SKP1: variants seen among roughly 807,000 people sequenced by gnomAD.
SKP1 encodes S-phase kinase associated protein 1, also known as S-phase kinase-associated protein 1.
Under a neutral mutation model 21.5 loss-of-function variants are expected in SKP1, and 1 was observed. The observed-to-expected ratio is 0.05, with a 90% CI of 0.02 to 0.22. SKP1 has a LOEUF of 0.22. Among genes scored for constraint, SKP1 ranks in the 10% least tolerant of loss-of-function variants. The pLI, the probability that SKP1 is intolerant of heterozygous loss-of-function variation, is 1.00. For synonymous variants in SKP1, 59 were observed against 59.3 expected, an observed-to-expected ratio of 0.99 and a Z score of 0.03; for missense variants, 70 against 192.0, an observed-to-expected ratio of 0.36 and a Z score of 3.76.
intron 1 of SKP1, chr5:134,174,861 T>C (rs962622226): frequency 6.0e-5 from 9 of 149,482 alleles, no homozygotes; most frequent in African/African-American, 2.2e-4. Context: ...TCTTACCATC[T>C]TCAAATTCTT....
intron 3 of SKP1, among the ~76,000 whole-genome samples, chr5:134,163,953 CTT>C (rs969629529): frequency 1.3e-5 from 2 of 152,150 alleles, no homozygotes; most frequent in Non-Finnish European, 2.9e-5. Flanking sequence ...AGGGCATGCT[CTT>C]GTCTTAAGGT....
intron 1 of SKP1, chr5:134,175,257 T>A (rs780319168): frequency 6.6e-5 from 10 of 152,356 alleles, no homozygotes; most frequent in Non-Finnish European, 1.2e-4. Flanking sequence ...AAAGCATGTT[T>A]TAAAACCAGC....
intron 2 of SKP1, among the ~76,000 whole-genome samples, chr5:134,169,602 C>T (rs1353076712): frequency 5.9e-5 from 9 of 152,322 alleles, no homozygotes; most frequent in Admixed American, 2.6e-4. Context: ...CAGTGGCTCA[C>T]GCATGTAATC....
At chr5:134,161,951 TA>T (rs1761228195) in intron 3 of SKP1, 1 of 152,198 alleles carries the variant, frequency 6.6e-6, no homozygotes, top group African/African-American at 2.4e-5. Context: ...GTCTACTGTG[TA>T]ATTCTTTCCA....
intron 3 of SKP1, among the ~76,000 whole-genome samples, chr5:134,166,870 C>A (rs1001035048): frequency 6.6e-6 from 1 of 152,116 alleles, no homozygotes; most frequent in Non-Finnish European, 1.5e-5. Flanking sequence ...AGCCAACCTG[C>A]GATCCAGATA....
At chr5:134,172,038 C>CA (rs1303387139) in intron 2 of SKP1, among the ~76,000 whole-genome samples, 1 of 152,182 alleles carries the variant, frequency 6.6e-6, no homozygotes, top group African/African-American at 2.4e-5. Context: ...GAGCAAAACT[C>CA]AGTCTCAAAA....
In SKP1 at chr5:134,158,460, C is replaced by T; in HGVS notation, c.451G>A (p.Ala151Thr). ...CAAAACTGTGTGCTACCTACCTGGG[C>T]TTCCTCCTCTTCAGTAAAGTCATTT... ...IKNDFTEEEEAQVRKENQWCE... is the reference protein window; with the variant it reads ...IKNDFTEEEETQVRKENQWCE... The change falls in exon 5 of 6, where the codon GCC (alanine) becomes ACC (threonine). Residue 151 changes from alanine (A) to threonine (T), a missense_variant. Transcript: ENST00000353411. 6.2e-7 allele frequency: 1 copy of T among 1,614,018 alleles called. No homozygotes were observed. Among genetic ancestry groups the T allele is most frequent in the Non-Finnish European group, 8.5e-7 (1 of 1,179,958 alleles).
At chr5:134,173,755 AG>A (rs1761487999) in intron 2 of SKP1, 170 bp downstream of exon 2, 1 of 692,660 alleles carries the variant, frequency 1.4e-6, no homozygotes, top group Non-Finnish European at 2.7e-6. Context: ...CAGACAATGC[AG>A]AAAGGATGAC....
At chr5:134,163,318 C>A (rs1424426357) in intron 3 of SKP1, among the ~76,000 whole-genome samples, 1 of 150,364 alleles carries the variant, frequency 6.7e-6, no homozygotes, top group African/African-American at 2.4e-5. Context: ...AGGTTCACAA[C>A]GGGTGGTGCC....
At chr5:134,170,027 G>A (rs1357226273) in intron 2 of SKP1, among the ~76,000 whole-genome samples, 1 of 151,180 alleles carries the variant, frequency 6.6e-6, no homozygotes, top group Non-Finnish European at 1.5e-5. Context: ...AAATTAGCTG[G>A]GTGTGGTGGC....
intron 4 of SKP1, among the ~76,000 whole-genome samples, chr5:134,160,577 G>C (rs576993999): frequency 6.6e-6 from 1 of 152,050 alleles, no homozygotes; most frequent in Non-Finnish European, 1.5e-5. Flanking sequence ...TAATTGTTAT[G>C]TCTTTTTAAA....
chr5:134,165,095 AAG>A (rs1477930845), intron 3 of SKP1, among the ~76,000 whole-genome samples: 1 of 150,534 alleles, frequency 6.6e-6, no homozygotes, highest in Admixed American at 6.6e-5. Flanking sequence ...CCGAAATTGG[AAG>A]TTACAGTTTA....
rs373679809 is a variant in SKP1 at position 134,174,036 on chromosome 5, A to T, written c.1-14T>A. 24 of 1,471,118 alleles carry T rather than the reference A, an allele frequency of 1.6e-5. No individual in the cohort carries two copies. The highest frequency in any genetic ancestry group is 2.1e-5 in the Non-Finnish European group (22 of 1,049,632). 91.1% of individuals were successfully genotyped at this position (1,471,118 alleles called of 1,614,324 possible). On this transcript the variant is annotated splice_polypyrimidine_tract_variant and intron_variant, in intron 1 of 5. Transcript: ENST00000353411. Reference sequence around the variant, plus strand: ...AATTGAAGGCATCTAAAAAAAAAGGACATTAAATATAAAATTTAAGAGAGA... The same window carrying T: ...AATTGAAGGCATCTAAAAAAAAAGGTCATTAAATATAAAATTTAAGAGAGA...
chr5:134,170,199 C>A (rs910688960), intron 2 of SKP1, among the ~76,000 whole-genome samples: 2 of 149,592 alleles, frequency 1.3e-5, no homozygotes, highest in African/African-American at 5.1e-5. Flanking sequence ...AAAATAAAGG[C>A]TTTTATGACT....
chr5:134,172,075 C>T (rs1238775233), intron 2 of SKP1, among the ~76,000 whole-genome samples: 1 of 152,204 alleles, frequency 6.6e-6, no homozygotes, highest in Non-Finnish European at 1.5e-5. Flanking sequence ...GAAATATCCT[C>T]ACCAGTATTA....
rs754252585 is a variant in SKP1, at chr5:134,151,732, A to AT, written c.*6000dup. ...AGCAGACACTGTTATGAGCAACTAC[A>AT]TTCCTCCCATAGAATGCTGCTCAAT... On this transcript the variant is annotated 3_prime_UTR_variant, in exon 6 of 6. Transcript: ENST00000353411. 1.8e-5 allele frequency: 8 copies of AT among 455,838 alleles called. No homozygotes were observed. Among genetic ancestry groups the AT allele is most frequent in the African/African-American group, 1.6e-4 (8 of 50,210 alleles). 28.2% of individuals were successfully genotyped at this position (455,838 alleles called of 1,614,324 possible). A position where few individuals can be genotyped will look rare whatever the true frequency, so the allele number is the denominator to read the frequency against.
At chr5:134,161,394 T>C (rs576827241) in intron 3 of SKP1, 131 of 304,430 alleles carry the variant, frequency 4.3e-4, no homozygotes, top group Non-Finnish European at 6.9e-4. Context: ...AAAGAAAAGT[T>C]AGGACAATGA....
At chr5:134,168,861 T>C (rs1761385105) in intron 2 of SKP1, among the ~76,000 whole-genome samples, 1 of 152,032 alleles carries the variant, frequency 6.6e-6, no homozygotes, top group African/African-American at 2.4e-5. Flanking sequence ...GTTTCATAAA[T>C]GTAAAATACT....
chr5:134,156,816 A>G lies in SKP1; in HGVS notation c.*917T>C, dbSNP rs1379569985. 1 of 152,676 alleles carries G rather than the reference A, an allele frequency of 6.5e-6. No individual in the cohort carries two copies. Among genetic ancestry groups the G allele is most frequent in the Non-Finnish European group, 1.5e-5 (1 of 68,032 alleles). The allele number at this position is 152,676 out of a possible 1,614,324, so 9.5% of individuals were successfully genotyped here. On this transcript the variant is annotated 3_prime_UTR_variant, in exon 6 of 6. Transcript: ENST00000353411. ...TTTCAAGCTGAACAAATATATACACATTCAACCCATTTAAGTGAAGAGACA... is the reference window on the plus strand; with the variant it reads ...TTTCAAGCTGAACAAATATATACACGTTCAACCCATTTAAGTGAAGAGACA...
Sources: gnomAD v4.1 joint callset for allele counts (sites outside exome capture counted in the v4.1 genomes callset) on GRCh38, gnomAD v4.1.1 for gene constraint, MANE v1.5 for transcripts, NCBI Gene and HGNC (gene_info 2026-07-23, HGNC 2026-07-21) for gene names.